SAXO1: variants seen among roughly 807,000 people sequenced by gnomAD.
SAXO1 encodes 4930500O09Rik.
SAXO1 carries 21 observed loss-of-function variants against 17.5 expected under a neutral mutation model. That is an observed-to-expected ratio of 1.20 (90% CI 0.85 to 1.72). The LOEUF (loss-of-function observed/expected upper bound fraction) is 1.72, where lower values mean the gene tolerates loss of function less well. SAXO1 is among the 40% of genes most tolerant of loss of function. SAXO1 has a pLI of 0.00. For missense variants in SAXO1, 843 were observed against 596.0 expected, an observed-to-expected ratio of 1.41 and a Z score of -4.32; for synonymous variants, 274 against 216.5, an observed-to-expected ratio of 1.27 and a Z score of -2.33.
At chr9:19,001,017 TAGAC>T (rs1440513910) in intron 1 of SAXO1, among the ~76,000 whole-genome samples, 2 of 152,262 alleles carry the variant, frequency 1.3e-5, no homozygotes, top group South Asian at 4.2e-4. Context: ...CTGTCAATAT[TAGAC>T]AGATCAACGA....
At chr9:18,985,792 A>C (rs547851154) in intron 1 of SAXO1, among the ~76,000 whole-genome samples, 51 of 152,380 alleles carry the variant, frequency 3.3e-4, no homozygotes, top group African/African-American at 1.1e-3. Flanking sequence ...TTAGCAAAAC[A>C]TAATTTCTTT....
intron 1 of SAXO1, among the ~76,000 whole-genome samples, chr9:18,981,869 C>G (rs111996653): frequency 6.6e-6 from 1 of 152,222 alleles, no homozygotes; most frequent in Non-Finnish European, 1.5e-5. Context: ...TCAGCTCTCC[C>G]CAACTCCAAA....
intron 1 of SAXO1, among the ~76,000 whole-genome samples, chr9:19,046,579 G>A (rs1263410146): frequency 2.0e-5 from 3 of 152,100 alleles, no homozygotes; most frequent in Non-Finnish European, 2.9e-5. Context: ...GCACATGCCT[G>A]CAATCCCAGC....
upstream of SAXO1, among the ~76,000 whole-genome samples, chr9:19,034,737 G>C (rs367711287): frequency 4.6e-5 from 7 of 152,322 alleles, no homozygotes; most frequent in East Asian, 9.7e-4. Flanking sequence ...AGACAAAAAA[G>C]AGGTGGGAGC....
At chr9:18,979,463 T>C (rs1327198109) in intron 1 of SAXO1, among the ~76,000 whole-genome samples, 1 of 152,138 alleles carries the variant, frequency 6.6e-6, no homozygotes, top group Non-Finnish European at 1.5e-5. Context: ...GGGGTATCTG[T>C]GCAAAGAGAA....
In SAXO1 at chr9:19,033,019, G is replaced by A. The variant is rs1835835976; in HGVS notation, c.-111C>T. 8.6e-7 allele frequency: 1 copy of A among 1,156,416 alleles called. No individual in the cohort carries two copies. 71.6% of individuals were successfully genotyped at this position (1,156,416 alleles called of 1,614,324 possible). A position where few individuals can be genotyped will look rare whatever the true frequency, so the allele number is the denominator to read the frequency against. On this transcript the variant is annotated 5_prime_UTR_variant, in exon 1 of 4. Transcript: ENST00000380534. The stretch of plus-strand genomic sequence containing the variant: ...CGCCCAGGCTCGAGGGTCTTGGCAG[G>A]TGTTCTGTTTACTCGAAGGAAAATT...
intron 1 of SAXO1, among the ~76,000 whole-genome samples, chr9:19,022,596 G>A (rs1311079911): frequency 2.6e-5 from 4 of 152,138 alleles, no homozygotes; most frequent in South Asian, 4.1e-4. Context: ...GGGAAAGATA[G>A]TGATTTTTAA....
intron 1 of SAXO1, among the ~76,000 whole-genome samples, chr9:18,956,739 T>C (rs571060371): frequency 6.6e-6 from 1 of 152,366 alleles, no homozygotes; most frequent in South Asian, 2.1e-4. Flanking sequence ...TTCAAATGCC[T>C]AGCCCTGTCC....
Position 18,941,781 on chromosome 9 carries a change from C to G in SAXO1, c.277G>C (p.Val93Leu), listed in dbSNP as rs757458262. ...PVKVHQYDQF[V>L]PSEENMDLLT... The stretch of plus-strand genomic sequence containing the variant: ...AAATCCATATTCTCTTCACTCGGGA[C>G]GAACTGGTCATACTGGTGGACCTTC... Residue 93 changes from valine (V) to leucine (L), a missense_variant, in exon 3 of 4, where the codon GTC becomes CTC. Val to Leu is a conservative substitution (Grantham distance 32, BLOSUM62 1). Transcript: ENST00000380534. 6 of 1,614,042 alleles carry G rather than the reference C, an allele frequency of 3.7e-6. No individual in the cohort carries two copies. In the African/African-American group the frequency reaches 8.0e-5, roughly 22 times the overall value.
At chr9:19,005,305 C>A (rs1295663894) in intron 1 of SAXO1, among the ~76,000 whole-genome samples, 4 of 151,626 alleles carry the variant, frequency 2.6e-5, no homozygotes, top group Non-Finnish European at 2.9e-5. Context: ...TCAAGGGACC[C>A]AAAACAGCTG....
chr9:18,953,321 T>A (rs1054213802), intron 1 of SAXO1, among the ~76,000 whole-genome samples: 1 of 152,172 alleles, frequency 6.6e-6, no homozygotes, highest in African/African-American at 2.4e-5. Context: ...CCTTTCCATA[T>A]TGTTACTTTT....
upstream of SAXO1, among the ~76,000 whole-genome samples, chr9:19,037,973 G>GAATAAGAATA (rs1835983341): frequency 6.6e-6 from 1 of 152,162 alleles, no homozygotes; most frequent in Non-Finnish European, 1.5e-5. Flanking sequence ...AAAGGACAAA[G>GAATAAGAATA]AATAAGAATA....
intron 1 of SAXO1, among the ~76,000 whole-genome samples, chr9:18,992,018 A>T (rs749862188): frequency 3.9e-5 from 6 of 152,230 alleles, no homozygotes; most frequent in Non-Finnish European, 8.8e-5. Flanking sequence ...TTTAAGGTCT[A>T]TCCCAAAATG....
At chr9:18,982,820 A>C (rs1833448484) in intron 1 of SAXO1, among the ~76,000 whole-genome samples, 1 of 152,204 alleles carries the variant, frequency 6.6e-6, no homozygotes, top group African/African-American at 2.4e-5. Context: ...TCTATATACC[A>C]AGCCTGTGAT....
chr9:18,967,838 T>C (rs192649769), intron 1 of SAXO1, among the ~76,000 whole-genome samples: 469 of 152,040 alleles, frequency 3.1e-3, no homozygotes, highest in Non-Finnish European at 5.6e-3. Context: ...CCCAAACAAC[T>C]GCCCAGTTTT....
chr9:19,023,844 CGAAG>C (rs745930375), intron 1 of SAXO1, among the ~76,000 whole-genome samples: 37 of 151,512 alleles, frequency 2.4e-4, no homozygotes, highest in African/African-American at 9.0e-4. Context: ...AGGAAAGGAA[CGAAG>C]GAACGAACAA....
At chr9:18,996,078 T>C (rs1477767564) in intron 1 of SAXO1, among the ~76,000 whole-genome samples, 11 of 35,060 alleles carry the variant, frequency 3.1e-4, no homozygotes, top group African/African-American at 2.1e-3. Flanking sequence ...AAACTACATC[T>C]CAAAAAAAAA....
chr9:18,929,078 A>T, intron 3 of SAXO1, 23 bp from the exon 4 acceptor site: 1 of 1,607,406 alleles, frequency 6.2e-7, no homozygotes, highest in Non-Finnish European at 8.5e-7. Context: ...CAGAAGAGGT[A>T]ATTAATAATA....
rs879774020 is a variant in SAXO1 at position 18,954,669 on chromosome 9, C to CAA, written c.39-3733_39-3732insTT. ...ACAGAATTTTTAAATTGAAAGGGGG[C>CAA]ATGGGAAATATCTGTTCTAGTATCT... On this transcript the variant is annotated intron_variant, in intron 1 of 3. Coordinates refer to ENST00000380534, the MANE Select transcript of SAXO1 (RefSeq NM_153707.4). Among the ~76,000 whole-genome samples, 727 of 152,122 alleles carry CAA rather than the reference C, an allele frequency of 4.8e-3. 4 individuals are homozygous for CAA. Among genetic ancestry groups the CAA allele is most frequent in the Non-Finnish European group, 8.7e-3 (589 of 67,984 alleles).
Sources: allele counts gnomAD v4.1 joint callset (sites outside exome capture counted in the v4.1 genomes callset), GRCh38; gene constraint gnomAD v4.1.1; transcripts MANE v1.5; gene names NCBI Gene and HGNC (gene_info 2026-07-23, HGNC 2026-07-21).